The following SETD5 variants were observed in gnomAD, a reference collection of about 807,000 sequenced individuals.
The protein encoded by SETD5 is histone-lysine N-methyltransferase SETD5.
In SETD5, 44 loss-of-function variants were observed where a neutral mutation model predicts 153.3. The ratio of observed to expected loss-of-function variants is 0.29; its 90% CI spans 0.23 to 0.37. The LOEUF is 0.37. SETD5 is among the 10% of genes least tolerant of loss of function. SETD5 has a pLI of 1.00. For synonymous variants in SETD5, 716 were observed against 645.2 expected (o/e 1.11, Z -1.66); for missense variants, 1,544 against 1,768.0 (o/e 0.87, Z 2.27).
chr3:9,451,329 AC>A (rs2042604301), intron 16 of SETD5, among the ~76,000 whole-genome samples: 1 of 152,184 alleles, frequency 6.6e-6, no homozygotes, highest in African/African-American at 2.4e-5. Flanking sequence ...TATCTCACTT[AC>A]CATGCATGAA....
In SETD5 at chr3:9,476,170, C is replaced by T. The variant is rs2045835983; in HGVS notation, c.*79C>T. The T allele has an allele frequency of 6.6e-7, 1 of 1,506,462 alleles. No individual in the cohort carries two copies. Among genetic ancestry groups the T allele is most frequent in the Non-Finnish European group, 8.9e-7 (1 of 1,124,540 alleles). The allele number at this position is 1,506,462 out of a possible 1,614,324, so 93.3% of individuals were successfully genotyped here. A position where few individuals can be genotyped will look rare whatever the true frequency, so the allele number is the denominator to read the frequency against. ...AGCTGCCTCTGGAACCTAGGCCGAG[C>T]ATATTGCTGAGGAACGGGGGGTACA... On this transcript the variant is annotated 3_prime_UTR_variant, in exon 23 of 23. Transcript: ENST00000402198.
At position 9,447,780 on chromosome 3, in the gene SETD5, C is replaced by T; in HGVS notation, c.1877C>T (p.Ser626Leu). The T allele has an allele frequency of 1.2e-6, 2 of 1,614,008 alleles. No individual in the cohort carries two copies. Among genetic ancestry groups the T allele is most frequent in the Non-Finnish European group, 1.7e-6 (2 of 1,179,886 alleles). Residue 626 changes from serine to leucine, a missense_variant, in exon 15 of 23, where the codon TCA becomes TTA. By Grantham distance (145) the Ser-to-Leu change is moderately radical. Around this residue, in one of 9 missense-constraint regions of SETD5, gnomAD observed 782 missense variants for 787.2 expected, o/e 0.99. Coordinates refer to ENST00000402198, the MANE Select transcript of SETD5 (RefSeq NM_001080517.3). ...CGAATTTCTCGGTACAGGACCAGTT[C>T]AGCCCAAAGACTAAAGCGTCAGAAG... is the stretch of plus-strand genomic sequence containing the variant. ...KSRISRYRTSSAQRLKRQKQA... is the reference protein window; with the variant it reads ...KSRISRYRTSLAQRLKRQKQA...
At chr3:9,451,104 ATG>A (rs2042577002) in intron 16 of SETD5, among the ~76,000 whole-genome samples, 1 of 152,172 alleles carries the variant, frequency 6.6e-6, no homozygotes, top group Non-Finnish European at 1.5e-5. Context: ...TCTAAACACA[ATG>A]TGTATAGGGC....
Position 9,434,676 on chromosome 3 carries a change from A to G in SETD5, c.330-148A>G. ...GGAATGAGAGATTGATGTTAAAGCT[A>G]TTGAATTTGATATGAAATTTAATGT... is the stretch of plus-strand genomic sequence containing the variant. On this transcript the variant is annotated intron_variant, in intron 5 of 22. Coordinates refer to ENST00000402198, the MANE Select transcript of SETD5 (RefSeq NM_001080517.3). The surrounding 1 kb of genome is among the most constrained non-coding windows in gnomAD (Gnocchi z 5.6). The G allele has an allele frequency of 2.7e-6, 4 of 1,463,958 alleles. No homozygotes were observed. Among genetic ancestry groups the G allele is most frequent in the South Asian group, 1.5e-5 (1 of 68,324 alleles). The allele number at this position is 1,463,958 out of a possible 1,614,324, so 90.7% of individuals were successfully genotyped here.
At chr3:9,428,031 G>C (rs551442874) in intron 2 of SETD5, among the ~76,000 whole-genome samples, 1 of 152,088 alleles carries the variant, frequency 6.6e-6, no homozygotes, top group South Asian at 2.1e-4. Flanking sequence ...TGATTTCGGG[G>C]GTTTTTTTGT....
At chr3:9,453,928 A>T in intron 17 of SETD5, 60 bp downstream of exon 17, 1 of 1,450,598 alleles carries the variant, frequency 6.9e-7, no homozygotes, top group South Asian at 1.6e-5. Flanking sequence ...CTGCATAAAA[A>T]ATTTAAGTAT....
Position 9,434,395 on chromosome 3 carries a change from A to C in SETD5, c.239A>C (p.Asp80Ala), listed in dbSNP as rs1257903597. The stretch of plus-strand genomic sequence containing the variant: ...TCGCCTGTAGAGGAACGCTGTGGAG[A>C]CAGCCCGAACTCTGAAGGAGAAACT... ...LPSPVEERCG[D>A]SPNSEGETVP... is the part of the protein sequence containing the mutation. The change falls in exon 5 of 23, where the codon GAC becomes GCC. Residue 80 changes from aspartate (D) to alanine (A), a missense_variant. Coordinates refer to ENST00000402198, the MANE Select transcript of SETD5 (RefSeq NM_001080517.3). The surrounding 1 kb of genome is among the most constrained non-coding windows in gnomAD (Gnocchi z 5.6). 1 of 1,613,826 alleles carries C rather than the reference A, an allele frequency of 6.2e-7. No homozygotes were observed. The highest frequency in any genetic ancestry group is 1.7e-5 in the Admixed American group (1 of 60,010).
rs757082447 is a variant in SETD5, at chr3:9,470,550, C to T, written c.2816C>T (p.Ser939Leu). The T allele has an allele frequency of 3.1e-6, 5 of 1,614,024 alleles. No individual in the cohort carries two copies. The highest frequency in any genetic ancestry group is 4.2e-6 in the Non-Finnish European group (5 of 1,179,898). ...SCADRPSLLNSGHSDLAPHPS... is the reference protein window; with the variant it reads ...SCADRPSLLNLGHSDLAPHPS... ...GCTGATAGACCTTCCCTACTCAACT[C>T]AGGTCATTCTGACCTGGCTCCTCAT... The change falls in exon 19 of 23, where the codon TCA (serine) becomes TTA (leucine). Residue 939 changes from serine (S) to leucine (L), a missense_variant. This residue lies in a region of SETD5 where 782 missense variants were observed against 787.2 expected (regional missense o/e 0.99). Transcript: ENST00000402198.
intron 1 of SETD5, among the ~76,000 whole-genome samples, chr3:9,410,421 T>C (rs1273691155): frequency 6.6e-6 from 1 of 152,240 alleles, no homozygotes; most frequent in Non-Finnish European, 1.5e-5. Context: ...CCCCTTAGAA[T>C]AGTTCTCTAT....
At position 9,477,005 on chromosome 3, in the gene SETD5, A is replaced by G. The variant is rs2045889505; in HGVS notation, c.*914A>G. 1 of 152,662 alleles carries G rather than the reference A, an allele frequency of 6.6e-6. No homozygotes were observed. The highest frequency in any genetic ancestry group is 2.4e-5 in the African/African-American group (1 of 41,446). 9.5% of individuals were successfully genotyped at this position (152,662 alleles called of 1,614,324 possible). On this transcript the variant is annotated 3_prime_UTR_variant, in exon 23 of 23. Coordinates refer to ENST00000402198, the MANE Select transcript of SETD5 (RefSeq NM_001080517.3). ...TTATTTTTTCTACTCCCAATTAATCAGGAGTTGATGATCCCATGAGCAGGA... is the reference window on the plus strand; with the variant it reads ...TTATTTTTTCTACTCCCAATTAATCGGGAGTTGATGATCCCATGAGCAGGA...
At chr3:9,454,274 A>C (rs1310192425) in intron 17 of SETD5, among the ~76,000 whole-genome samples, 1 of 151,394 alleles carries the variant, frequency 6.6e-6, no homozygotes, top group Non-Finnish European at 1.5e-5. Flanking sequence ...TAAGTGAAAA[A>C]TTATTATCAA....
At chr3:9,448,699 C>G (rs1419543356) in intron 16 of SETD5, 69 bp downstream of exon 16, 11 of 1,381,986 alleles carry the variant, frequency 8.0e-6, no homozygotes, top group Non-Finnish European at 9.6e-6. Flanking sequence ...GCCTAAGATT[C>G]CTATCATCAT....
chr3:9,433,280 A>T, intron 3 of SETD5: 1 of 839,858 alleles, frequency 1.2e-6, no homozygotes, highest in Non-Finnish European at 1.7e-6. Flanking sequence ...AGAAATTATT[A>T]CTCTAATATT....
chr3:9,474,997 A>G, intron 21 of SETD5, 71 bp from the exon 22 acceptor site: 1 of 1,387,674 alleles, frequency 7.2e-7, no homozygotes, highest in East Asian at 2.5e-5. Flanking sequence ...GGTGATTTAA[A>G]TGAAAAATGG....
rs189422751 is a variant in SETD5 at position 9,409,679 on chromosome 3, G to A, written c.-177+11702G>A. 4.6e-5 allele frequency among the ~76,000 whole-genome samples: 7 copies of A among 152,172 alleles called. No homozygotes were observed. In the South Asian group the frequency reaches 6.2e-4, roughly 14 times the overall value. ...GGTACTTAGAAACCACAGTATGGAT[G>A]GTAGGAGTGTTCATTGCTCTTGGTT... On this transcript the variant is annotated intron_variant, in intron 1 of 22. Transcript: ENST00000402198.
In SETD5 at chr3:9,434,492, TC is replaced by T; in HGVS notation, c.329+9del. 6.2e-7 allele frequency: 1 copy of T among 1,613,896 alleles called. No homozygotes were observed. Among genetic ancestry groups the T allele is most frequent in the Middle Eastern group, 1.6e-4 (1 of 6,062 alleles). ...TCAACTGTGACAAGTGCAGGTAAGA[TC>T]CTGTTCCATCTAAATTTAAGTCTGG... On this transcript the variant is annotated splice_region_variant and intron_variant, in intron 5 of 22. Transcript: ENST00000402198. The surrounding 1 kb of genome is among the most constrained non-coding windows in gnomAD (Gnocchi z 5.6).
At position 9,409,872 on chromosome 3, in the gene SETD5, C is replaced by A. The variant is rs564573580; in HGVS notation, c.-177+11895C>A. Among the ~76,000 whole-genome samples the A allele has an allele frequency of 6.6e-5, 10 of 152,316 alleles. No homozygotes were observed. In the South Asian group the frequency reaches 1.9e-3, roughly 28 times the overall value. On this transcript the variant is annotated intron_variant, in intron 1 of 22. Coordinates refer to ENST00000402198, the MANE Select transcript of SETD5 (RefSeq NM_001080517.3). The stretch of plus-strand genomic sequence containing the variant: ...CCCATGCCCAAAATCTCAGTTTTCA[C>A]TAACACCAATGTAATTTCTCTTTGT...
intron 18 of SETD5, among the ~76,000 whole-genome samples, chr3:9,467,217 A>C (rs1240709739): frequency 7.0e-6 from 1 of 142,408 alleles, no homozygotes; most frequent in Non-Finnish European, 1.5e-5. Context: ...AAAAAAAAAA[A>C]AAAAAAACAA....
At chr3:9,471,637 C>T (rs1033941414) in intron 19 of SETD5, among the ~76,000 whole-genome samples, 1 of 152,166 alleles carries the variant, frequency 6.6e-6, no homozygotes, top group Non-Finnish European at 1.5e-5. Context: ...AGAGAGCTTG[C>T]TAATGGGTTG....
Sources: allele counts gnomAD v4.1 joint callset (sites outside exome capture counted in the v4.1 genomes callset), GRCh38; gene constraint gnomAD v4.1.1; regional missense constraint gnomAD v4.1.1; non-coding constraint Gnocchi (gnomAD v3.1); transcripts MANE v1.5; gene names NCBI Gene and HGNC (gene_info 2026-07-23, HGNC 2026-07-21).